Variants in GPHN observed in about 807,000 individuals in gnomAD.
GPHN encodes the protein gephyrin.
A neutral mutation model predicts 95.5 loss-of-function variants in GPHN; 17 were observed. That is an observed-to-expected ratio of 0.18 (90% CI 0.12 to 0.27). The LOEUF (loss-of-function observed/expected upper bound fraction) is 0.27, where lower values mean the gene tolerates loss of function less well. Among genes scored for constraint, GPHN ranks in the 10% least tolerant of loss-of-function variants. GPHN has a pLI of 1.00. For synonymous variants in GPHN, 320 were observed against 322.5 expected (o/e 0.99, Z 0.08); for missense variants, 660 against 978.1 (o/e 0.67, Z 4.34).
At chr14:67,077,605 T>C (rs575425978) in intron 11 of GPHN, among the ~76,000 whole-genome samples, 1 of 152,308 alleles carries the variant, frequency 6.6e-6, no homozygotes, top group East Asian at 1.9e-4. Context: ...TCTTTATTTT[T>C]CTTGTGTGTA....
intron 16 of GPHN, among the ~76,000 whole-genome samples, chr14:67,118,766 C>CG (rs1270274964): frequency 6.6e-6 from 1 of 151,794 alleles, no homozygotes; most frequent in Non-Finnish European, 1.5e-5. Flanking sequence ...CCAGGGGTCG[C>CG]GGGGGGAGTT....
chr14:67,279,328 G>C, the GPHN span: 2 of 1,613,934 alleles, frequency 1.2e-6, no homozygotes, highest in African/African-American at 2.7e-5. Flanking sequence ...ATACGTCGAA[G>C]TGCACAGTTG....
the GPHN span, chr14:67,725,262 C>G: frequency 6.2e-7 from 1 of 1,612,674 alleles, no homozygotes; most frequent in Non-Finnish European, 8.5e-7. Flanking sequence ...CAGGTGAGGT[C>G]CTGATGGGTA....
At chr14:67,557,613 G>A in the GPHN span, among the ~76,000 whole-genome samples, 25 of 152,348 alleles carry the variant, frequency 1.6e-4, no homozygotes, top group African/African-American at 5.8e-4. Context: ...GCCAGGCAGG[G>A]GATAGAGTAG....
chr14:67,338,670 G>A, the GPHN span: 2 of 1,614,048 alleles, frequency 1.2e-6, no homozygotes, highest in Non-Finnish European at 1.7e-6. Flanking sequence ...AAGATTAGCA[G>A]GCTCCAACAC....
At chr14:66,941,619 A>G (rs2067432826) in intron 8 of GPHN, among the ~76,000 whole-genome samples, 1 of 151,956 alleles carries the variant, frequency 6.6e-6, no homozygotes, top group South Asian at 2.1e-4. Flanking sequence ...ATTGGCTTTT[A>G]TGAGCTCTGC....
the GPHN span, chr14:67,662,938 T>G: frequency 7.8e-7 from 1 of 1,285,594 alleles, no homozygotes. Flanking sequence ...TTACCAATAG[T>G]GACTCTCTGA....
intron 8 of GPHN, among the ~76,000 whole-genome samples, chr14:66,958,825 T>C (rs939057427): frequency 2.0e-5 from 3 of 152,208 alleles, no homozygotes; most frequent in Admixed American, 1.3e-4. Flanking sequence ...TTGGATAGTT[T>C]ATGTACATTT....
intron 9 of GPHN, among the ~76,000 whole-genome samples, chr14:66,971,772 C>G (rs2069804031): frequency 6.6e-6 from 1 of 152,106 alleles, no homozygotes; most frequent in African/African-American, 2.4e-5. Flanking sequence ...ATCTTTTACC[C>G]AGGCATGATT....
At chr14:67,379,530 G>A in the GPHN span, among the ~76,000 whole-genome samples, 15 of 151,890 alleles carry the variant, frequency 9.9e-5, no homozygotes, top group African/African-American at 3.6e-4. Context: ...TGTTAGCTGA[G>A]TAAAAGTTCC....
chr14:67,669,939 C>A, the GPHN span, among the ~76,000 whole-genome samples: 8 of 152,098 alleles, frequency 5.3e-5, no homozygotes, highest in African/African-American at 1.9e-4. Context: ...ACTAAAAATA[C>A]AAAAAATTAG....
At chr14:67,074,492 C>T (rs1445043443) in intron 11 of GPHN, among the ~76,000 whole-genome samples, 1 of 152,116 alleles carries the variant, frequency 6.6e-6, no homozygotes, top group Admixed American at 6.5e-5. Context: ...TTCTCCCTCT[C>T]CTTGGGCCTC....
At chr14:66,618,532 G>A (rs879226876) in intron 1 of GPHN, among the ~76,000 whole-genome samples, 1 of 152,092 alleles carries the variant, frequency 6.6e-6, no homozygotes, top group African/African-American at 2.4e-5. Context: ...GTATATTGCT[G>A]TATTCATTTT....
the GPHN span, among the ~76,000 whole-genome samples, chr14:67,693,797 T>A: frequency 6.6e-6 from 1 of 151,890 alleles, no homozygotes; most frequent in East Asian, 1.9e-4. Context: ...CCCTCACCCA[T>A]GCGCCACCAC....
the GPHN span, among the ~76,000 whole-genome samples, chr14:67,563,679 C>T: frequency 2.0e-5 from 3 of 151,664 alleles, no homozygotes; most frequent in African/African-American, 7.3e-5. Context: ...GTGATCCACC[C>T]TCTTGGGCCT....
the GPHN span, chr14:67,201,300 C>T: frequency 1.7e-5 from 6 of 348,106 alleles, no homozygotes; most frequent in Non-Finnish European, 3.4e-5. Flanking sequence ...TCTCTAAAAA[C>T]AAACAAATAA....
Position 66,924,208 on chromosome 14 carries a change from C to T in GPHN, c.744C>T (p.Tyr248=). 1 of 1,599,844 alleles carries T rather than the reference C, an allele frequency of 6.3e-7. No individual in the cohort carries two copies. The highest frequency in any genetic ancestry group is 1.1e-5 in the South Asian group (1 of 90,784). ...AAIAAKKHPF[Y]TSPAVVMAHG... is the part of the protein sequence containing the mutation. ...TTGTGCATTAGAAGCATCCATTCTA[C>T]ACCAGTCCTGCTGTTGTCATGGCAC... Residue 248 remains tyrosine (Y), a synonymous_variant, in exon 8 of 23, where the codon TAC becomes TAT. Transcript: ENST00000478722.
intron 8 of GPHN, among the ~76,000 whole-genome samples, chr14:66,954,909 A>G (rs2068382339): frequency 6.6e-6 from 1 of 152,110 alleles, no homozygotes; most frequent in Non-Finnish European, 1.5e-5. Context: ...AACATGGTGT[A>G]TTTCACTGAC....
chr14:67,050,261 GT>G (rs1464573123), intron 10 of GPHN, among the ~76,000 whole-genome samples: 2 of 152,122 alleles, frequency 1.3e-5, no homozygotes, highest in Non-Finnish European at 2.9e-5. Context: ...TTCCGGTGAG[GT>G]AATCACTTTA....
Sources: allele counts gnomAD v4.1 joint callset (sites outside exome capture counted in the v4.1 genomes callset), GRCh38; gene constraint gnomAD v4.1.1; transcripts MANE v1.5; gene names NCBI Gene and HGNC (gene_info 2026-07-23, HGNC 2026-07-21).